The following LRMDA variants were observed in gnomAD, a reference collection of about 807,000 sequenced individuals.
The protein encoded by LRMDA is leucine-rich melanocyte differentiation-associated protein.
Under a neutral mutation model 29.8 loss-of-function variants are expected in LRMDA, and 18 were observed. The ratio of observed to expected loss-of-function variants is 0.60; its 90% CI spans 0.42 to 0.90. LRMDA has a LOEUF of 0.90. LRMDA is among the 40% of genes least tolerant of loss of function. The pLI is 0.00. For synonymous variants in LRMDA, 125 were observed against 109.4 expected (o/e 1.14, Z -0.89); for missense variants, 273 against 273.9 (o/e 1.00, Z 0.02).
At chr10:75,926,317 AAC>A (rs1459860684) in intron 2 of LRMDA, among the ~76,000 whole-genome samples, 1 of 152,182 alleles carries the variant, frequency 6.6e-6, no homozygotes, top group Non-Finnish European at 1.5e-5. Flanking sequence ...GAAAAGATGA[AAC>A]AGTGGCAGGA....
chr10:75,751,336 G>A (rs1842967101), intron 2 of LRMDA, among the ~76,000 whole-genome samples: 1 of 151,808 alleles, frequency 6.6e-6, no homozygotes, highest in South Asian at 2.1e-4. Context: ...GGAGACCGGG[G>A]AGAGGGAGAG....
chr10:76,372,950 A>G (rs575974932), intron 6 of LRMDA, among the ~76,000 whole-genome samples: 1 of 152,270 alleles, frequency 6.6e-6, no homozygotes, highest in African/African-American at 2.4e-5. Flanking sequence ...ATTTTTTTTA[A>G]AAAGGGTCCT....
At chr10:76,245,189 T>C (rs1852352367) in intron 5 of LRMDA, among the ~76,000 whole-genome samples, 1 of 152,104 alleles carries the variant, frequency 6.6e-6, no homozygotes, top group African/African-American at 2.4e-5. Context: ...GATGTTCTCT[T>C]ATATATATCA....
At chr10:75,463,681 T>G (rs1844616501) in intron 2 of LRMDA, among the ~76,000 whole-genome samples, 1 of 152,072 alleles carries the variant, frequency 6.6e-6, no homozygotes, top group Admixed American at 6.5e-5. Flanking sequence ...TGTCTTGTTT[T>G]TTTTGAGATG....
chr10:75,923,063 C>A (rs1846053162), intron 2 of LRMDA, among the ~76,000 whole-genome samples: 1 of 152,202 alleles, frequency 6.6e-6, no homozygotes, highest in South Asian at 2.1e-4. Context: ...CATAATTCAT[C>A]AGTGTCTGAG....
intron 2 of LRMDA, among the ~76,000 whole-genome samples, chr10:75,923,408 A>G (rs1048814400): frequency 6.6e-6 from 1 of 152,186 alleles, no homozygotes; most frequent in African/African-American, 2.4e-5. Flanking sequence ...CAGAGACTAG[A>G]TTTAATGACA....
chr10:76,014,261 A>G (rs1847846177), intron 2 of LRMDA, among the ~76,000 whole-genome samples: 1 of 150,528 alleles, frequency 6.6e-6, no homozygotes, highest in Non-Finnish European at 1.5e-5. Flanking sequence ...TATGACCCAC[A>G]AATCCTAATA....
chr10:75,822,610 T>C (rs1844181468), intron 2 of LRMDA, among the ~76,000 whole-genome samples: 1 of 152,102 alleles, frequency 6.6e-6, no homozygotes, highest in African/African-American at 2.4e-5. Context: ...GGTATAAAAA[T>C]TATACTTGGA....
At chr10:76,387,097 CTT>C (rs1238191854) in intron 6 of LRMDA, among the ~76,000 whole-genome samples, 4 of 152,110 alleles carry the variant, frequency 2.6e-5, no homozygotes, top group Non-Finnish European at 5.9e-5. Context: ...TTAGAAGTAA[CTT>C]ATTTCAATGT....
intron 2 of LRMDA, among the ~76,000 whole-genome samples, chr10:75,917,323 C>T (rs1246000449): frequency 6.6e-6 from 1 of 152,180 alleles, no homozygotes; most frequent in Non-Finnish European, 1.5e-5. Flanking sequence ...GTTCTCCCAT[C>T]TAGCCCCAGG....
At chr10:76,378,780 T>C (rs1841551819) in intron 6 of LRMDA, among the ~76,000 whole-genome samples, 1 of 152,088 alleles carries the variant, frequency 6.6e-6, no homozygotes, top group Admixed American at 6.5e-5. Context: ...TTTGCTGCTA[T>C]TTTGTTAAGG....
At chr10:75,779,343 GA>G (rs754175078) in intron 2 of LRMDA, among the ~76,000 whole-genome samples, 1 of 152,040 alleles carries the variant, frequency 6.6e-6, no homozygotes, top group Non-Finnish European at 1.5e-5. Context: ...GACCAGTAGA[GA>G]AAACAGTGAT....
intron 6 of LRMDA, among the ~76,000 whole-genome samples, chr10:76,525,058 G>A (rs1468531149): frequency 6.6e-6 from 1 of 152,086 alleles, no homozygotes; most frequent in Non-Finnish European, 1.5e-5. Context: ...TCAATGGCAG[G>A]GCTTGGAAGA....
At chr10:75,517,371 T>A (rs931162765) in intron 2 of LRMDA, among the ~76,000 whole-genome samples, 3 of 152,192 alleles carry the variant, frequency 2.0e-5, no homozygotes, top group Non-Finnish European at 4.4e-5. Context: ...CCTCTTTTAT[T>A]TTGTTGAGCA....
At chr10:76,056,515 A>G (rs1298847002) in intron 4 of LRMDA, among the ~76,000 whole-genome samples, 1 of 152,084 alleles carries the variant, frequency 6.6e-6, no homozygotes, top group Non-Finnish European at 1.5e-5. Flanking sequence ...GTGCCAAGGG[A>G]TGCCTGCAGG....
intron 2 of LRMDA, among the ~76,000 whole-genome samples, chr10:75,659,792 C>T (rs73280828): frequency 0.036 from 5,403 of 152,108 alleles, 223 homozygotes; most frequent in African/African-American, 0.11. Flanking sequence ...TTAAGTGTCT[C>T]CCCCTCCTTC....
intron 2 of LRMDA, among the ~76,000 whole-genome samples, chr10:75,497,476 G>C (rs1041926377): frequency 4.7e-5 from 7 of 150,268 alleles, no homozygotes; most frequent in Non-Finnish European, 8.9e-5. Context: ...TTTTTTTTGA[G>C]AAATGCATGA....
intron 3 of LRMDA, among the ~76,000 whole-genome samples, chr10:76,036,809 A>G (rs1024208292): frequency 6.6e-6 from 1 of 152,152 alleles, no homozygotes; most frequent in Admixed American, 6.5e-5. Flanking sequence ...GGGGATGGAA[A>G]CAGGGAACCC....
chr10:76,076,268 A>C (rs1180079110), intron 5 of LRMDA, among the ~76,000 whole-genome samples: 4 of 142,002 alleles, frequency 2.8e-5, no homozygotes, highest in Non-Finnish European at 4.5e-5. Context: ...GCGTGAACCC[A>C]GGAGGCGGAG....
Sources: gnomAD v4.1 joint callset for allele counts (sites outside exome capture counted in the v4.1 genomes callset) on GRCh38, gnomAD v4.1.1 for gene constraint, MANE v1.5 for transcripts, NCBI Gene and HGNC (gene_info 2026-07-23, HGNC 2026-07-21) for gene names.